IMPG1: variants seen among roughly 807,000 people sequenced by gnomAD.
IMPG1 encodes interphotoreceptor matrix proteoglycan of 150 kDa.
In IMPG1, 85 loss-of-function variants were observed where a neutral mutation model predicts 92.0. That is an observed-to-expected ratio of 0.92 (90% CI 0.78 to 1.11). The LOEUF is 1.11. Among genes scored for constraint, IMPG1 ranks in the 50% least tolerant of loss-of-function variants. The pLI, the probability that IMPG1 is intolerant of heterozygous loss-of-function variation, is 0.00. For missense variants in IMPG1, 1,022 were observed against 956.0 expected, an observed-to-expected ratio of 1.07 and a Z score of -0.91; for synonymous variants, 367 against 334.1, an observed-to-expected ratio of 1.10 and a Z score of -1.08.
intron 4 of IMPG1, among the ~76,000 whole-genome samples, chr6:76,027,444 A>G (rs929519893): frequency 2.6e-5 from 4 of 152,258 alleles, no homozygotes; most frequent in African/African-American, 9.6e-5. Context: ...ATACCATGTA[A>G]TTGAAACTAC....
intron 12 of IMPG1, among the ~76,000 whole-genome samples, chr6:75,989,733 C>T (rs1782783714): frequency 6.6e-6 from 1 of 152,124 alleles, no homozygotes; most frequent in African/African-American, 2.4e-5. Flanking sequence ...ATCCCAGCTA[C>T]TAAGGAGGCT....
intron 14 of IMPG1, among the ~76,000 whole-genome samples, chr6:75,931,882 C>T (rs2083828609): frequency 6.6e-6 from 1 of 152,166 alleles, no homozygotes; most frequent in African/African-American, 2.4e-5. Flanking sequence ...TCTGGAAGGC[C>T]AGTGGCCCCT....
Position 76,001,916 on chromosome 6 carries a change from TC to T in IMPG1, c.1291+1001del, listed in dbSNP as rs542111620. Among the ~76,000 whole-genome samples the T allele has an allele frequency of 8.7e-4, 132 of 152,364 alleles. 1 individual carries two copies. The Middle Eastern group carries it at 0.014, about 16-fold the overall frequency. On this transcript the variant is annotated intron_variant, in intron 12 of 16. Coordinates refer to ENST00000369950, the MANE Select transcript of IMPG1 (RefSeq NM_001563.4). ...CCAATTTGTATAATTAATTCTGCTA[TC>T]ATACCATATATGTATTCCTGAAATA...
intron 8 of IMPG1, among the ~76,000 whole-genome samples, chr6:76,008,228 C>T (rs937690614): frequency 2.0e-5 from 3 of 152,160 alleles, no homozygotes; most frequent in Non-Finnish European, 4.4e-5. Flanking sequence ...CCTTCCTGAC[C>T]TCAAGCCTGG....
chr6:75,991,519 T>A (rs1782812787), intron 12 of IMPG1, among the ~76,000 whole-genome samples: 1 of 152,164 alleles, frequency 6.6e-6, no homozygotes, highest in Admixed American at 6.5e-5. Context: ...GAAAACACCA[T>A]GTCTCGATCA....
intron 12 of IMPG1, among the ~76,000 whole-genome samples, chr6:75,969,919 A>G (rs1194427023): frequency 6.6e-6 from 1 of 152,082 alleles, no homozygotes; most frequent in Non-Finnish European, 1.5e-5. Flanking sequence ...CTGGAGTAAA[A>G]CTAAAACTGG....
intron 12 of IMPG1, among the ~76,000 whole-genome samples, chr6:75,978,016 C>T (rs1451344119): frequency 3.3e-5 from 5 of 152,086 alleles, no homozygotes; most frequent in Admixed American, 3.3e-4. Flanking sequence ...TCTCCAACTC[C>T]TGTACTCAAG....
At chr6:75,936,852 C>A (rs1225180681) in intron 14 of IMPG1, among the ~76,000 whole-genome samples, 2 of 152,120 alleles carry the variant, frequency 1.3e-5, no homozygotes, top group Non-Finnish European at 2.9e-5. Flanking sequence ...TGGGCTAAGC[C>A]CGGACTTGTG....
At chr6:76,060,516 G>A (rs930813356) in intron 1 of IMPG1, among the ~76,000 whole-genome samples, 13 of 152,160 alleles carry the variant, frequency 8.5e-5, no homozygotes, top group Non-Finnish European at 1.3e-4. Context: ...TGGACTCAAA[G>A]CAGAGTGCAC....
At chr6:76,057,741 T>C (rs2794291) in intron 1 of IMPG1, among the ~76,000 whole-genome samples, 80,552 of 151,864 alleles carry the variant, frequency 0.53, 22,880 homozygotes, top group South Asian at 0.65. Context: ...AATGCTAATG[T>C]TATGTTAATG....
At chr6:75,927,377 T>C (rs899078883) in intron 15 of IMPG1, among the ~76,000 whole-genome samples, 6 of 152,170 alleles carry the variant, frequency 3.9e-5, no homozygotes, top group African/African-American at 4.8e-5. Context: ...GTAACCAGGG[T>C]CTAATCTATG....
chr6:75,982,525 T>TAAAA (rs894024819), intron 12 of IMPG1, among the ~76,000 whole-genome samples: 1 of 137,934 alleles, frequency 7.2e-6, no homozygotes, highest in Non-Finnish European at 1.5e-5. Flanking sequence ...GACTCTATCT[T>TAAAA]AAAAAAAAAA....
intron 6 of IMPG1, among the ~76,000 whole-genome samples, chr6:76,021,726 G>A (rs958579650): frequency 7.5e-5 from 10 of 132,840 alleles, no homozygotes; most frequent in Non-Finnish European, 1.4e-4. Flanking sequence ...CTTCAGTGGT[G>A]AAAGAGCTTC....
At chr6:76,056,395 T>A (rs939171256) in intron 1 of IMPG1, among the ~76,000 whole-genome samples, 1 of 152,076 alleles carries the variant, frequency 6.6e-6, no homozygotes, top group Non-Finnish European at 1.5e-5. Flanking sequence ...CAAAAAAAGC[T>A]AAAATAAGCA....
intron 1 of IMPG1, among the ~76,000 whole-genome samples, chr6:76,067,883 A>G (rs1165879451): frequency 6.6e-6 from 1 of 152,214 alleles, no homozygotes; most frequent in African/African-American, 2.4e-5. Flanking sequence ...ACGGTTCAGC[A>G]TATACAAATC....
intron 7 of IMPG1, among the ~76,000 whole-genome samples, chr6:76,013,837 T>TGATA (rs1234168871): frequency 2.0e-5 from 3 of 152,248 alleles, no homozygotes; most frequent in African/African-American, 4.8e-5. Flanking sequence ...ACTAGAGCAG[T>TGATA]GATACACAGA....
chr6:76,057,669 T>A, intron 1 of IMPG1, among the ~76,000 whole-genome samples: 1 of 152,128 alleles, frequency 6.6e-6, no homozygotes, highest in East Asian at 1.9e-4. Context: ...AAGGACTCCA[T>A]CTGGGTTATT....
chr6:76,005,634 C>T, intron 9 of IMPG1, 100 bp from the exon 10 acceptor site: 1 of 1,224,470 alleles, frequency 8.2e-7, no homozygotes, highest in Non-Finnish European at 1.2e-6. Context: ...TAGCTTCCAC[C>T]TCTTTCCTGA....
chr6:76,057,782 C>A (rs1266718033), intron 1 of IMPG1, among the ~76,000 whole-genome samples: 1 of 151,994 alleles, frequency 6.6e-6, no homozygotes, highest in African/African-American at 2.4e-5. Context: ...AAATTAAGGA[C>A]ATTTATGTAC....
Sources: gnomAD v4.1 joint callset for allele counts (sites outside exome capture counted in the v4.1 genomes callset) on GRCh38, gnomAD v4.1.1 for gene constraint, MANE v1.5 for transcripts, NCBI Gene and HGNC (gene_info 2026-07-23, HGNC 2026-07-21) for gene names.